FANCC: variants seen among roughly 807,000 people sequenced by gnomAD.
FANCC encodes Fanconi anemia group C protein.
In FANCC, 55 loss-of-function variants were observed where a neutral mutation model predicts 71.3. That is an observed-to-expected ratio of 0.77 (90% CI 0.62 to 0.97). FANCC has a LOEUF of 0.97. Among genes scored for constraint, FANCC ranks in the 50% least tolerant of loss-of-function variants. FANCC has a pLI of 0.00. For synonymous variants in FANCC, 275 were observed against 244.9 expected (o/e 1.12, Z -1.15); for missense variants, 678 against 670.9 (o/e 1.01, Z -0.12).
At chr9:95,244,644 A>C (rs139390282) in intron 3 of FANCC, among the ~76,000 whole-genome samples, 2 of 131,682 alleles carry the variant, frequency 1.5e-5, no homozygotes, top group East Asian at 4.9e-4. Context: ...ACGCCACTGC[A>C]CTCCAGCCTA....
chr9:95,140,690 A>C (rs1828521787), intron 7 of FANCC, among the ~76,000 whole-genome samples: 1 of 152,192 alleles, frequency 6.6e-6, no homozygotes, highest in Non-Finnish European at 1.5e-5. Flanking sequence ...GTTGCCAGAC[A>C]AACTCACAAA....
At position 95,100,030 on chromosome 9, in the gene FANCC, C is replaced by T. The variant is rs1179623678; in HGVS notation, c.*1677G>A. 2 of 232,172 alleles carry T rather than the reference C, an allele frequency of 8.6e-6. No homozygotes were observed. The highest frequency in any genetic ancestry group is 4.4e-5 in the African/African-American group (2 of 45,286). 14.4% of individuals were successfully genotyped at this position (232,172 alleles called of 1,614,324 possible). On this transcript the variant is annotated 3_prime_UTR_variant, in exon 15 of 15. Transcript: ENST00000289081. The stretch of plus-strand genomic sequence containing the variant: ...CTCTCTAGGGGTTCCCTGCTGCCAC[C>T]ATGTCCACAGAGGAGTCACAGCTTC...
At chr9:95,106,874 T>A (rs547981341) in intron 14 of FANCC, among the ~76,000 whole-genome samples, 192 bp downstream of exon 14, 1 of 152,258 alleles carries the variant, frequency 6.6e-6, no homozygotes, top group African/African-American at 2.4e-5. Context: ...TGTTTTCTCT[T>A]CTATGACATA....
chr9:95,252,511 C>CA (rs975586432), intron 1 of FANCC, among the ~76,000 whole-genome samples: 2 of 151,446 alleles, frequency 1.3e-5, no homozygotes, highest in Non-Finnish European at 2.9e-5. Context: ...CTTTGGGAGG[C>CA]AGAGACGGGC....
At chr9:95,163,174 C>T (rs759966666) in intron 6 of FANCC, among the ~76,000 whole-genome samples, 14 of 152,094 alleles carry the variant, frequency 9.2e-5, no homozygotes, top group South Asian at 4.2e-4. Flanking sequence ...TTCCCAACAC[C>T]AATTATTGAA....
In FANCC at chr9:95,258,139, G is replaced by C. The variant is rs575648944; in HGVS notation, c.-78-8770C>G. On this transcript the variant is annotated intron_variant, in intron 1 of 14. Transcript: ENST00000289081. ...AAGAGAAGCTGGTACCATTCCTTCT[G>C]AAACTATTCCAAACAATAGAAAAAG... Among the ~76,000 whole-genome samples the C allele has an allele frequency of 1.0e-3, 154 of 152,248 alleles. 1 individual carries two copies. Among genetic ancestry groups the C allele is most frequent in the Non-Finnish European group, 1.1e-3 (75 of 68,012 alleles).
At chr9:95,134,772 A>G (rs1318769675) in intron 8 of FANCC, among the ~76,000 whole-genome samples, 4 of 152,186 alleles carry the variant, frequency 2.6e-5, no homozygotes, top group African/African-American at 7.2e-5. Flanking sequence ...CTGGGCCAGG[A>G]GGTGGATGTC....
intron 4 of FANCC, among the ~76,000 whole-genome samples, chr9:95,236,776 G>A (rs1052813717): frequency 7.2e-5 from 11 of 152,130 alleles, no homozygotes; most frequent in African/African-American, 2.7e-4. Context: ...CCTAGCACAT[G>A]GTAGGCCCTA....
chr9:95,112,295 T>G (rs1005588417), intron 12 of FANCC, among the ~76,000 whole-genome samples: 1 of 152,176 alleles, frequency 6.6e-6, no homozygotes, highest in Non-Finnish European at 1.5e-5. Flanking sequence ...CAGACCAGCC[T>G]GAGATCACAT....
At chr9:95,210,006 C>T (rs571964431) in intron 4 of FANCC, among the ~76,000 whole-genome samples, 11 of 152,258 alleles carry the variant, frequency 7.2e-5, no homozygotes, top group African/African-American at 2.6e-4. Context: ...ACACTCTACC[C>T]TGGTACAAAT....
intron 4 of FANCC, among the ~76,000 whole-genome samples, chr9:95,176,445 C>G (rs1013685809): frequency 6.6e-6 from 1 of 152,206 alleles, no homozygotes; most frequent in Admixed American, 6.5e-5. Flanking sequence ...GGGCCACAGG[C>G]TTTTTGGGCC....
In FANCC at chr9:95,150,148, TA is replaced by T. The variant is rs1180911949; in HGVS notation, c.522-62del. On this transcript the variant is annotated intron_variant, in intron 6 of 14. Coordinates refer to ENST00000289081, the MANE Select transcript of FANCC (RefSeq NM_000136.3). ...AGAGCCATGCATAATTAAGGACATA[TA>T]AAAACCTTCATGCTAAAAAGGTCAA... 1.6e-5 allele frequency: 25 copies of T among 1,584,818 alleles called. No homozygotes were observed. The East Asian group carries it at 2.2e-4, about 14-fold the overall frequency.
At chr9:95,309,238 C>T (rs1459609526) in intron 1 of FANCC, among the ~76,000 whole-genome samples, 1 of 152,104 alleles carries the variant, frequency 6.6e-6, no homozygotes, top group East Asian at 1.9e-4. Flanking sequence ...TGGTACTAGT[C>T]AGTATCAGAA....
intron 1 of FANCC, among the ~76,000 whole-genome samples, chr9:95,253,706 T>C (rs1365142631): frequency 6.6e-6 from 1 of 152,120 alleles, no homozygotes. Context: ...TGGTATTTGG[T>C]TACACGGTAA....
chr9:95,305,619 T>G (rs1835032502), intron 1 of FANCC, among the ~76,000 whole-genome samples: 2 of 152,206 alleles, frequency 1.3e-5, no homozygotes. Context: ...AACAGTTAAT[T>G]CTTCCCAACT....
At chr9:95,144,681 G>A (rs1829279627) in intron 7 of FANCC, among the ~76,000 whole-genome samples, 1 of 152,232 alleles carries the variant, frequency 6.6e-6, no homozygotes, top group South Asian at 2.1e-4. Flanking sequence ...GATGAATCAA[G>A]AAGGGAGCTG....
chr9:95,225,771 TC>T (rs2135960718), intron 4 of FANCC, among the ~76,000 whole-genome samples: 1 of 152,216 alleles, frequency 6.6e-6, no homozygotes, highest in South Asian at 2.1e-4. Flanking sequence ...AAACAAAACT[TC>T]CAAACAAAAT....
At position 95,306,797 on chromosome 9, in the gene FANCC, C is replaced by G. The variant is rs147385590; in HGVS notation, c.-79+10729G>C. On this transcript the variant is annotated intron_variant, in intron 1 of 14. Coordinates refer to ENST00000289081, the MANE Select transcript of FANCC (RefSeq NM_000136.3). ...GTAGCTATCCTCCTTTGGGCAATCT[C>G]TTGGGAATTCCTTAATTATGAGCCA... Among the ~76,000 whole-genome samples, 552 of 152,244 alleles carry G rather than the reference C, an allele frequency of 3.6e-3. 4 individuals carry two copies. Among genetic ancestry groups the G allele is most frequent in the African/African-American group, 0.012 (493 of 41,552 alleles).
intron 1 of FANCC, among the ~76,000 whole-genome samples, chr9:95,264,595 C>T (rs990946724): frequency 1.3e-5 from 2 of 152,110 alleles, no homozygotes; most frequent in Admixed American, 6.5e-5. Context: ...TGGAGGCGAC[C>T]TGATAAAGTG....
Sources: gnomAD v4.1 joint callset for allele counts (sites outside exome capture counted in the v4.1 genomes callset) on GRCh38, gnomAD v4.1.1 for gene constraint, MANE v1.5 for transcripts, NCBI Gene and HGNC (gene_info 2026-07-23, HGNC 2026-07-21) for gene names.